LDHC: variants seen among roughly 807,000 people sequenced by gnomAD.
The protein encoded by LDHC is lactate dehydrogenase C.
In LDHC, 20 loss-of-function variants were observed where a neutral mutation model predicts 30.2. The observed-to-expected ratio is 0.66, with a 90% CI of 0.47 to 0.96. The LOEUF is 0.96. Among genes scored for constraint, LDHC ranks in the 40% least tolerant of loss-of-function variants. The pLI, the probability that LDHC is intolerant of heterozygous loss-of-function variation, is 0.00. For missense variants in LDHC, 362 were observed against 394.9 expected (o/e 0.92, Z 0.71); for synonymous variants, 139 against 132.7 (o/e 1.05, Z -0.32).
At chr11:18,423,429 A>G (rs1290854749) in intron 3 of LDHC, among the ~76,000 whole-genome samples, 2 of 152,212 alleles carry the variant, frequency 1.3e-5, no homozygotes, top group Non-Finnish European at 2.9e-5. Context: ...AAAGATTGTT[A>G]TATAACACTG....
At chr11:18,435,372 T>C (rs934892893) in intron 5 of LDHC, among the ~76,000 whole-genome samples, 1 of 152,002 alleles carries the variant, frequency 6.6e-6, no homozygotes, top group Non-Finnish European at 1.5e-5. Context: ...AATAGTGAGT[T>C]CTTGTGAGAT....
At chr11:18,418,243 A>G (rs1867057986) in intron 3 of LDHC, among the ~76,000 whole-genome samples, 2 of 148,578 alleles carry the variant, frequency 1.3e-5, no homozygotes, top group Non-Finnish European at 3.0e-5. Context: ...TAAATACATA[A>G]TTATATTTGG....
At chr11:18,419,438 A>G (rs1867080271) in intron 3 of LDHC, among the ~76,000 whole-genome samples, 1 of 152,226 alleles carries the variant, frequency 6.6e-6, no homozygotes, top group South Asian at 2.1e-4. Context: ...GGGGGAATAT[A>G]CCTGCTAAGG....
At chr11:18,412,977 CCCTCCCTCCCTTCCTTCCTT>C (rs1332650849) in intron 2 of LDHC, 134 bp downstream of exon 2, 9 of 429,646 alleles carry the variant, frequency 2.1e-5, no homozygotes, top group African/African-American at 1.3e-4. Flanking sequence ...CTCCCTCCCT[CCCTCCCTCCCTTCCTTCCTT>C]CCTTCCTTCC....
intron 3 of LDHC, among the ~76,000 whole-genome samples, chr11:18,422,291 C>T (rs1294134461): frequency 6.6e-6 from 1 of 151,962 alleles, no homozygotes; most frequent in African/African-American, 2.4e-5. Flanking sequence ...CACGATGGCC[C>T]ATGCCTGTAA....
chr11:18,424,338 C>T (rs181380176), intron 3 of LDHC, among the ~76,000 whole-genome samples: 9 of 151,774 alleles, frequency 5.9e-5, no homozygotes, highest in East Asian at 1.9e-4. Context: ...GCCTAGATCG[C>T]GCCACTGCAC....
At chr11:18,447,919 C>T (rs1848582475) in intron 7 of LDHC, among the ~76,000 whole-genome samples, 1 of 151,728 alleles carries the variant, frequency 6.6e-6, no homozygotes, top group Non-Finnish European at 1.5e-5. Flanking sequence ...TATGGTGGTG[C>T]ACGCCTGTAG....
chr11:18,431,920 T>G (rs1207980893), intron 4 of LDHC, among the ~76,000 whole-genome samples: 10 of 152,200 alleles, frequency 6.6e-5, no homozygotes. Flanking sequence ...AAGAACCAGC[T>G]TTTTGTTTCA....
Position 18,424,841 on chromosome 11 carries a change from C to T in LDHC, c.245-4896C>T, listed in dbSNP as rs192014970. Among the ~76,000 whole-genome samples, 580 of 152,252 alleles carry T rather than the reference C, an allele frequency of 3.8e-3. 4 individuals carry two copies. The highest frequency in any genetic ancestry group is 0.013 in the African/African-American group (549 of 41,554). On this transcript the variant is annotated intron_variant, in intron 3 of 7. Coordinates refer to ENST00000541669, the MANE Select transcript of LDHC (RefSeq NM_017448.5). The stretch of plus-strand genomic sequence containing the variant: ...TGGCCACCATGGCGAAACCCTGTCT[C>T]TACTAAAAATACAAAAATTAGCTGG...
chr11:18,414,587 C>T (rs977952138), intron 2 of LDHC, among the ~76,000 whole-genome samples: 2 of 151,952 alleles, frequency 1.3e-5, no homozygotes, highest in East Asian at 1.9e-4. Flanking sequence ...CAGGACTTTG[C>T]GAGGCTGAGG....
At position 18,415,258 on chromosome 11, in the gene LDHC, T is replaced by C. The variant is rs151274027; in HGVS notation, c.201T>C (p.His67=). The C allele has an allele frequency of 2.0e-5, 32 of 1,607,524 alleles. No individual in the cohort carries two copies. In the African/African-American group the frequency reaches 3.1e-4, roughly 15 times the overall value. The change falls in exon 3 of 8, where the codon CAT becomes CAC. Residue 67 remains histidine, a synonymous_variant. Transcript: ENST00000541669. The part of the protein sequence containing the change: ...KLKGEMMDLQ[H]GSLFFSTSKI... ...AGGGAGAAATGATGGATCTTCAGCA[T>C]GGCAGTCTTTTCTTTAGTACTTCAA...
chr11:18,439,811 T>TAA (rs71047596), intron 6 of LDHC, among the ~76,000 whole-genome samples: 22,698 of 63,582 alleles, frequency 0.36, 5,794 homozygotes, highest in East Asian at 0.46. Context: ...CCGTCTCTAC[T>TAA]AAAAAAAAAA....
chr11:18,449,427 C>CGAA (rs1848615600), intron 7 of LDHC, among the ~76,000 whole-genome samples: 1 of 48,630 alleles, frequency 2.1e-5, no homozygotes, highest in Non-Finnish European at 3.5e-5. Flanking sequence ...ACACTGTCTC[C>CGAA]TAAAAAAAAA....
intron 3 of LDHC, among the ~76,000 whole-genome samples, chr11:18,416,816 A>C (rs1590222916): frequency 9.2e-5 from 11 of 120,168 alleles, no homozygotes; most frequent in South Asian, 2.7e-4. Flanking sequence ...CACCTCCCCT[A>C]CCCTCCCCAG....
At chr11:18,439,811 TAAAAAAA>T (rs71047596) in intron 6 of LDHC, among the ~76,000 whole-genome samples, 5 of 64,192 alleles carry the variant, frequency 7.8e-5, no homozygotes, top group East Asian at 1.3e-3. Flanking sequence ...CCGTCTCTAC[TAAAAAAA>T]AAAAAAAAAA....
At chr11:18,425,302 A>C (rs1848142868) in intron 3 of LDHC, among the ~76,000 whole-genome samples, 1 of 152,086 alleles carries the variant, frequency 6.6e-6, no homozygotes, top group South Asian at 2.1e-4. Context: ...CTCCCACCTC[A>C]GCCTCCAGAG....
chr11:18,430,973 G>A (rs1425269339), intron 4 of LDHC, among the ~76,000 whole-genome samples: 1 of 151,988 alleles, frequency 6.6e-6, no homozygotes, highest in Non-Finnish European at 1.5e-5. Context: ...AGACCAGTGT[G>A]GGCAACATAG....
intron 5 of LDHC, among the ~76,000 whole-genome samples, chr11:18,436,481 G>GTTTTTTTTTTTTTT (rs35976847): frequency 1.8e-5 from 2 of 108,186 alleles, no homozygotes; most frequent in Admixed American, 1.2e-4. Context: ...ATAATACAAA[G>GTTTTTTTTTTTTTT]TTTTTTTTTT....
chr11:18,430,906 G>A (rs1438485874), intron 4 of LDHC, among the ~76,000 whole-genome samples: 1 of 152,152 alleles, frequency 6.6e-6, no homozygotes, highest in Non-Finnish European at 1.5e-5. Flanking sequence ...GCTCATGCCT[G>A]TAATCCTAGC....
Sources: allele counts gnomAD v4.1 joint callset (sites outside exome capture counted in the v4.1 genomes callset), GRCh38; gene constraint gnomAD v4.1.1; transcripts MANE v1.5; gene names NCBI Gene and HGNC (gene_info 2026-07-23, HGNC 2026-07-21).